Variants in UBTD2 observed in about 807,000 individuals in gnomAD.
The protein encoded by UBTD2 is ubiquitin domain-containing protein 2.
UBTD2 carries 9 observed loss-of-function variants against 19.8 expected under a neutral mutation model. The observed-to-expected ratio is 0.46, with a 90% confidence interval of 0.27 to 0.79. The LOEUF (loss-of-function observed/expected upper bound fraction) is 0.79. Ranked by LOEUF, UBTD2 falls within the 30% of genes least tolerant of loss-of-function variation. The probability of loss-of-function intolerance (pLI) is 0.14; values close to 1 mark genes in which losing one functional copy is unlikely to be tolerated. For synonymous variants in UBTD2, 98 were observed against 103.9 expected, an observed-to-expected ratio of 0.94 and a Z score of 0.35; for missense variants, 250 against 300.4, an observed-to-expected ratio of 0.83 and a Z score of 1.24.
At chr5:172,272,175 G>A (rs1755503240) in intron 1 of UBTD2, among the ~76,000 whole-genome samples, 1 of 152,198 alleles carries the variant, frequency 6.6e-6, no homozygotes, top group South Asian at 2.1e-4. Flanking sequence ...ACACTCAGCA[G>A]TATTTAACCG....
chr5:172,215,610 C>T (rs968294942), intron 2 of UBTD2, among the ~76,000 whole-genome samples: 2 of 152,168 alleles, frequency 1.3e-5, no homozygotes, highest in Non-Finnish European at 2.9e-5. Flanking sequence ...CAAAACTAGA[C>T]TCAGATACGG....
intron 2 of UBTD2, among the ~76,000 whole-genome samples, chr5:172,223,142 A>T: frequency 6.6e-6 from 1 of 152,252 alleles, no homozygotes. Context: ...TGACAGAAAA[A>T]AATAGATAAT....
chr5:172,262,586 CG>C (rs1447303091), intron 1 of UBTD2, among the ~76,000 whole-genome samples: 1 of 151,560 alleles, frequency 6.6e-6, no homozygotes, highest in Non-Finnish European at 1.5e-5. Context: ...CCGAGGTAGA[CG>C]GATCACTTGA....
intron 2 of UBTD2, among the ~76,000 whole-genome samples, chr5:172,225,685 C>T (rs1771749463): frequency 6.6e-6 from 1 of 152,124 alleles, no homozygotes; most frequent in African/African-American, 2.4e-5. Context: ...GGGAGTTTTA[C>T]ATACATGTCA....
At chr5:172,282,177 A>G (rs4418119) in intron 1 of UBTD2, among the ~76,000 whole-genome samples, 13,097 of 152,284 alleles carry the variant, frequency 0.086, 648 homozygotes, top group Middle Eastern at 0.12. Flanking sequence ...GATCAACACA[A>G]TTAGAGGAAG....
At chr5:172,222,675 C>T (rs999548586) in intron 2 of UBTD2, among the ~76,000 whole-genome samples, 2 of 151,998 alleles carry the variant, frequency 1.3e-5, no homozygotes, top group Non-Finnish European at 2.9e-5. Context: ...CGAAGGGAAT[C>T]CCAAGAAATA....
chr5:172,250,888 C>T (rs1380129927), intron 1 of UBTD2, among the ~76,000 whole-genome samples: 10 of 119,330 alleles, frequency 8.4e-5, no homozygotes, highest in African/African-American at 3.3e-4. Flanking sequence ...GAGCTGTGAT[C>T]GTACCACTGC....
intron 2 of UBTD2, 47 bp downstream of exon 2, chr5:172,234,075 A>G: frequency 2.5e-6 from 4 of 1,594,160 alleles, no homozygotes; most frequent in Non-Finnish European, 3.4e-6. Flanking sequence ...GCTATCAGAA[A>G]CAAAGTTGAT....
At chr5:172,254,551 GT>G in intron 1 of UBTD2, 1 of 616,090 alleles carries the variant, frequency 1.6e-6, no homozygotes, top group Non-Finnish European at 2.9e-6. Context: ...CATTTGTAGG[GT>G]TTTTCTGTGT....
intron 1 of UBTD2, among the ~76,000 whole-genome samples, chr5:172,279,002 T>C (rs1289788419): frequency 6.6e-6 from 1 of 152,218 alleles, no homozygotes; most frequent in African/African-American, 2.4e-5. Flanking sequence ...GGTCTTGAAC[T>C]CCTGACCTCA....
chr5:172,234,374 A>G lies in UBTD2; in HGVS notation c.71-16T>C, dbSNP rs1453083707. On this transcript the variant is annotated splice_polypyrimidine_tract_variant and intron_variant, in intron 1 of 2. Coordinates refer to ENST00000393792, the MANE Select transcript of UBTD2 (RefSeq NM_152277.3). Reference sequence around the variant, plus strand: ...CCTAGAGCAACTGAAAAGAAAAATAAAAGACTGAGATCAAACCCAAAATTT... The same window carrying G: ...CCTAGAGCAACTGAAAAGAAAAATAGAAGACTGAGATCAAACCCAAAATTT... 1.2e-6 allele frequency: 2 copies of G among 1,609,112 alleles called. No homozygotes were observed. The highest frequency in any genetic ancestry group is 1.7e-5 in the Admixed American group (1 of 59,820).
chr5:172,277,025 T>C (rs940955258), intron 1 of UBTD2, among the ~76,000 whole-genome samples: 4 of 122,998 alleles, frequency 3.3e-5, no homozygotes, highest in African/African-American at 1.3e-4. Flanking sequence ...GCCGAGATCA[T>C]GCCACTGTAC....
At chr5:172,264,607 G>A (rs573551398) in intron 1 of UBTD2, among the ~76,000 whole-genome samples, 172 of 150,042 alleles carry the variant, frequency 1.1e-3, no homozygotes, top group African/African-American at 4.0e-3. Flanking sequence ...GGCACACACC[G>A]TGGCTCATGC....
At chr5:172,238,787 T>C (rs1412582438) in intron 1 of UBTD2, among the ~76,000 whole-genome samples, 1 of 152,214 alleles carries the variant, frequency 6.6e-6, no homozygotes, top group East Asian at 1.9e-4. Flanking sequence ...TTGAAAACCT[T>C]GATTTAATGA....
chr5:172,244,993 T>C (rs1441997946), intron 1 of UBTD2, among the ~76,000 whole-genome samples: 6 of 152,074 alleles, frequency 3.9e-5, no homozygotes, highest in Admixed American at 3.3e-4. Context: ...CCTCTCAAAG[T>C]GCTGGGATTA....
intron 2 of UBTD2, among the ~76,000 whole-genome samples, chr5:172,231,540 T>C (rs950045092): frequency 3.9e-5 from 6 of 152,082 alleles, no homozygotes; most frequent in Non-Finnish European, 8.8e-5. Context: ...CCACATCCAG[T>C]AGGATATGCA....
intron 1 of UBTD2, among the ~76,000 whole-genome samples, chr5:172,269,844 G>A (rs1018829781): frequency 1.3e-4 from 19 of 151,376 alleles, no homozygotes; most frequent in Admixed American, 7.2e-4. Flanking sequence ...TTGGGAGGCC[G>A]AGGCAGGCAG....
chr5:172,222,726 G>T (rs992517198), intron 2 of UBTD2, among the ~76,000 whole-genome samples: 1 of 152,132 alleles, frequency 6.6e-6, no homozygotes, highest in Admixed American at 6.6e-5. Context: ...GGTAAATAGA[G>T]AATACCATGG....
chr5:172,242,284 A>T (rs570037179), intron 1 of UBTD2: 1 of 604,210 alleles, frequency 1.7e-6, no homozygotes, highest in Admixed American at 6.3e-5. Flanking sequence ...AGATTAACAC[A>T]CTATAATATC....
Sources: gnomAD v4.1 joint callset for allele counts (sites outside exome capture counted in the v4.1 genomes callset) on GRCh38, gnomAD v4.1.1 for gene constraint, MANE v1.5 for transcripts, NCBI Gene and HGNC (gene_info 2026-07-23, HGNC 2026-07-21) for gene names.